The following EPHA6 variants were observed in gnomAD, a reference collection of about 807,000 sequenced individuals.
EPHA6 encodes ephrin type-A receptor 6.
EPHA6 carries 50 observed loss-of-function variants against 112.0 expected under a neutral mutation model. That is an observed-to-expected ratio of 0.45 (90% CI 0.36 to 0.56). The LOEUF (loss-of-function observed/expected upper bound fraction) is 0.56. Among genes scored for constraint, EPHA6 ranks in the 20% least tolerant of loss-of-function variants. The pLI, the probability that EPHA6 is intolerant of heterozygous loss-of-function variation, is 0.00. For synonymous variants in EPHA6, 529 were observed against 490.7 expected (o/e 1.08, Z -1.03); for missense variants, 1,280 against 1,417.4 (o/e 0.90, Z 1.56).
intron 10 of EPHA6, among the ~76,000 whole-genome samples, chr3:97,513,314 A>G (rs2092396297): frequency 6.6e-6 from 1 of 152,228 alleles, no homozygotes; most frequent in African/African-American, 2.4e-5. Flanking sequence ...TCCAAAGGAA[A>G]TGAATTCAGT....
intron 1 of EPHA6, among the ~76,000 whole-genome samples, chr3:96,815,870 T>A (rs2032738316): frequency 6.6e-6 from 1 of 152,164 alleles, no homozygotes; most frequent in South Asian, 2.1e-4. Context: ...TCTAAGTCCT[T>A]TCAGACTAAG....
chr3:97,248,237 A>G (rs2079037469), intron 5 of EPHA6, among the ~76,000 whole-genome samples: 1 of 152,078 alleles, frequency 6.6e-6, no homozygotes, highest in African/African-American at 2.4e-5. Context: ...ATAAATCTTA[A>G]TTAACTGACT....
At chr3:97,602,913 CTGTG>C (rs1202185090) in intron 12 of EPHA6, among the ~76,000 whole-genome samples, 1 of 151,886 alleles carries the variant, frequency 6.6e-6, no homozygotes, top group Admixed American at 6.6e-5. Context: ...AAATTCCTTG[CTGTG>C]TTTTTTTATT....
intron 7 of EPHA6, among the ~76,000 whole-genome samples, chr3:97,456,072 G>A (rs1293986838): frequency 6.6e-6 from 1 of 151,886 alleles, no homozygotes; most frequent in Admixed American, 6.6e-5. Context: ...GTTACAGCGT[G>A]GCTCATATTT....
chr3:97,465,394 C>T (rs1233951199), intron 7 of EPHA6, among the ~76,000 whole-genome samples: 1 of 152,048 alleles, frequency 6.6e-6, no homozygotes. Flanking sequence ...GGAGACCTCA[C>T]ACACATGGCT....
chr3:96,903,190 T>C (rs976163696), intron 2 of EPHA6, among the ~76,000 whole-genome samples: 1 of 151,928 alleles, frequency 6.6e-6, no homozygotes, highest in Non-Finnish European at 1.5e-5. Flanking sequence ...TTGGGAGAGG[T>C]GTAATATAGT....
In EPHA6 at chr3:97,759,221, AGTT is replaced by A. The variant is rs1370966984; in HGVS notation, c.*10531_*10533del. Among the ~76,000 whole-genome samples, 8 of 152,010 alleles carry A rather than the reference AGTT, an allele frequency of 5.3e-5. No homozygotes were observed. Among genetic ancestry groups the A allele is most frequent in the Non-Finnish European group, 8.8e-5 (6 of 67,892 alleles). ...TGTCCATGGGAATTAGCAACATGGA[AGTT>A]GTTGTTGTTGATGACCTTCACAAGG... On this transcript the variant is annotated 3_prime_UTR_variant, in exon 18 of 18. Transcript: ENST00000389672.
At position 96,866,902 on chromosome 3, in the gene EPHA6, A is replaced by G; in HGVS notation, c.450+13A>G. Reference sequence around the variant, plus strand: ...TCCATTAAATGGGGTAAGTTTAAATATCTGAAAAATTGCTGTCTTTTTTAG... The same window carrying G: ...TCCATTAAATGGGGTAAGTTTAAATGTCTGAAAAATTGCTGTCTTTTTTAG... On this transcript the variant is annotated intron_variant, in intron 2 of 17. Transcript: ENST00000389672. 1 of 1,425,994 alleles carries G rather than the reference A, an allele frequency of 7.0e-7. No homozygotes were observed. Among genetic ancestry groups the G allele is most frequent in the Non-Finnish European group, 9.3e-7 (1 of 1,071,810 alleles). 88.3% of individuals were successfully genotyped at this position (1,425,994 alleles called of 1,614,324 possible). A position where few individuals can be genotyped will look rare whatever the true frequency, so the allele number is the denominator to read the frequency against.
At chr3:97,506,807 G>GAA (rs1313381134) in intron 10 of EPHA6, among the ~76,000 whole-genome samples, 1 of 152,178 alleles carries the variant, frequency 6.6e-6, no homozygotes, top group African/African-American at 2.4e-5. Flanking sequence ...CATGAGCATG[G>GAA]AATGTTTTTC....
At chr3:96,865,463 C>T (rs1195477055) in intron 1 of EPHA6, among the ~76,000 whole-genome samples, 5 of 151,910 alleles carry the variant, frequency 3.3e-5, no homozygotes, top group Admixed American at 2.0e-4. Flanking sequence ...GGGAGGGTCA[C>T]TTGAGGCCAG....
chr3:97,435,675 T>C (rs951721209), intron 6 of EPHA6, among the ~76,000 whole-genome samples: 1 of 152,192 alleles, frequency 6.6e-6, no homozygotes, highest in African/African-American at 2.4e-5. Flanking sequence ...GTGTGACCTC[T>C]GCAGAACAGG....
intron 5 of EPHA6, among the ~76,000 whole-genome samples, chr3:97,385,829 C>T (rs779947937): frequency 3.9e-4 from 59 of 152,152 alleles, no homozygotes; most frequent in Non-Finnish European, 6.5e-4. Context: ...AAGTGCTACA[C>T]ACTTTTAAAC....
intron 5 of EPHA6, among the ~76,000 whole-genome samples, chr3:97,258,787 A>G (rs2079400926): frequency 1.3e-5 from 2 of 152,180 alleles, no homozygotes; most frequent in African/African-American, 4.8e-5. Context: ...CAGATTCTGC[A>G]TCTACAAAAT....
At position 97,610,805 on chromosome 3, in the gene EPHA6, T is replaced by C; in HGVS notation, c.2525T>C (p.Met842Thr). ...PPRIPAGRPV[M>T]IVVEYMENGS... ...TGCTCTTTTGCAGGCAGACCAGTAA[T>C]GATTGTGGTGGAATATATGGAGAAT... is the stretch of plus-strand genomic sequence containing the variant. Residue 842 changes from methionine to threonine, a missense_variant, in exon 13 of 18, where the codon ATG becomes ACG. Physicochemically the swap from Met to Thr is moderately conservative, Grantham distance 81. Around this residue, in one of 4 missense-constraint regions of EPHA6, gnomAD observed 878 missense variants for 999.7 expected, o/e 0.88. Transcript: ENST00000389672. The C allele has an allele frequency of 6.2e-7, 1 of 1,611,708 alleles. No individual in the cohort carries two copies. Among genetic ancestry groups the C allele is most frequent in the Non-Finnish European group, 8.5e-7 (1 of 1,178,450 alleles).
rs180679780 is a variant in EPHA6, at chr3:97,383,785, C to G, written c.1607-21365C>G. Among the ~76,000 whole-genome samples the G allele has an allele frequency of 1.4e-3, 211 of 152,180 alleles. 2 individuals carry two copies. Among genetic ancestry groups the G allele is most frequent in the Admixed American group, 2.8e-3 (43 of 15,252 alleles). ...TAGAACATTAAAAGCTCTGATAATT[C>G]CTTCAAGAAGGAAACTTGTTTGGCT... On this transcript the variant is annotated intron_variant, in intron 5 of 17. Coordinates refer to ENST00000389672, the MANE Select transcript of EPHA6 (RefSeq NM_001080448.3).
chr3:97,014,748 A>G (rs2044208372), intron 3 of EPHA6, among the ~76,000 whole-genome samples: 1 of 152,234 alleles, frequency 6.6e-6, no homozygotes, highest in African/African-American at 2.4e-5. Flanking sequence ...TATTACTTCA[A>G]AGGGATGATG....
intron 11 of EPHA6, among the ~76,000 whole-genome samples, chr3:97,576,984 A>G (rs532928011): frequency 6.6e-6 from 1 of 152,310 alleles, no homozygotes; most frequent in African/African-American, 2.4e-5. Flanking sequence ...TGGTAGAAGG[A>G]TGACAAGATT....
intron 3 of EPHA6, among the ~76,000 whole-genome samples, chr3:97,156,942 A>G (rs2076301907): frequency 6.6e-6 from 1 of 152,024 alleles, no homozygotes; most frequent in Non-Finnish European, 1.5e-5. Flanking sequence ...TTAAGAAGAA[A>G]ACCAACTATG....
chr3:96,985,051 A>C (rs1576252765), intron 2 of EPHA6, among the ~76,000 whole-genome samples: 1 of 151,972 alleles, frequency 6.6e-6, no homozygotes, highest in African/African-American at 2.4e-5. Flanking sequence ...GGCTGCACCC[A>C]CTGTCCTGCC....
Sources: gnomAD v4.1 joint callset for allele counts (sites outside exome capture counted in the v4.1 genomes callset) on GRCh38, gnomAD v4.1.1 for gene constraint, gnomAD v4.1.1 regional missense constraint, MANE v1.5 for transcripts, NCBI Gene and HGNC (gene_info 2026-07-23, HGNC 2026-07-21) for gene names.